Variants in PCDH15 observed in about 807,000 individuals in gnomAD.
PCDH15 encodes the protein protocadherin-15.
A neutral mutation model predicts 178.5 loss-of-function variants in PCDH15; 129 were observed. That is an observed-to-expected ratio of 0.72 (90% CI 0.63 to 0.84). The LOEUF is 0.84. Among genes scored for constraint, PCDH15 ranks in the 40% least tolerant of loss-of-function variants. The pLI is 0.00. For missense variants in PCDH15, 2,230 were observed against 2,099.9 expected (o/e 1.06, Z -1.21); for synonymous variants, 800 against 732.0 (o/e 1.09, Z -1.50).
intron 15 of PCDH15, among the ~76,000 whole-genome samples, chr10:54,110,947 T>C (rs953987966): frequency 4.6e-5 from 7 of 152,202 alleles, no homozygotes; most frequent in Admixed American, 4.6e-4. Flanking sequence ...TACATTGTTT[T>C]CTTAGCTCCA....
intron 2 of PCDH15, among the ~76,000 whole-genome samples, chr10:54,617,242 G>C (rs189197086): frequency 6.6e-6 from 1 of 151,982 alleles, no homozygotes; most frequent in East Asian, 2.0e-4. Flanking sequence ...TAAGAATATT[G>C]TGTAGATTAT....
At chr10:54,651,265 A>G (rs1164665723) in intron 2 of PCDH15, among the ~76,000 whole-genome samples, 2 of 152,178 alleles carry the variant, frequency 1.3e-5, no homozygotes, top group African/African-American at 2.4e-5. Flanking sequence ...AAAGAATACA[A>G]TGTGAGTAAA....
At chr10:54,292,595 C>T (rs112786476) in intron 8 of PCDH15, among the ~76,000 whole-genome samples, 2 of 152,246 alleles carry the variant, frequency 1.3e-5, no homozygotes, top group African/African-American at 2.4e-5. Context: ...CCCAAAAATT[C>T]CTTAATCTGA....
chr10:54,286,474 A>G (rs1302844058), intron 8 of PCDH15, among the ~76,000 whole-genome samples: 1 of 152,212 alleles, frequency 6.6e-6, no homozygotes, highest in Non-Finnish European at 1.5e-5. Flanking sequence ...ATCCTTTCAA[A>G]ACAATATATT....
At chr10:55,054,373 C>T (rs556755880) in intron 2 of PCDH15, among the ~76,000 whole-genome samples, 53 of 152,230 alleles carry the variant, frequency 3.5e-4, no homozygotes, top group Non-Finnish European at 5.9e-4. Flanking sequence ...ATTTTTATGG[C>T]TGCATAGTAC....
At chr10:54,699,507 G>A (rs942438812) in intron 1 of PCDH15, among the ~76,000 whole-genome samples, 1 of 151,922 alleles carries the variant, frequency 6.6e-6, no homozygotes, top group African/African-American at 2.4e-5. Context: ...ATTTTTTATT[G>A]TTCTATGATG....
At chr10:54,849,955 G>A (rs1953585747) in intron 3 of PCDH15, among the ~76,000 whole-genome samples, 1 of 151,948 alleles carries the variant, frequency 6.6e-6, no homozygotes, top group Admixed American at 6.6e-5. Flanking sequence ...ATCTGTGTTA[G>A]GATAAAATAA....
At chr10:54,677,115 T>C (rs2094803767) in intron 1 of PCDH15, among the ~76,000 whole-genome samples, 1 of 152,218 alleles carries the variant, frequency 6.6e-6, no homozygotes, top group Non-Finnish European at 1.5e-5. Flanking sequence ...CTCACACATG[T>C]AATCCTAGCA....
chr10:55,317,863 C>T (rs1190987329), intron 1 of PCDH15, among the ~76,000 whole-genome samples: 1 of 152,088 alleles, frequency 6.6e-6, no homozygotes, highest in Non-Finnish European at 1.5e-5. Context: ...TGGAAAGGCA[C>T]CTTCTAGATC....
chr10:55,344,416 A>G (rs1256329160), intron 2 of PCDH15, among the ~76,000 whole-genome samples: 1 of 152,094 alleles, frequency 6.6e-6, no homozygotes, highest in Non-Finnish European at 1.5e-5. Context: ...TTAGGAGTTT[A>G]TTGCAGTAAT....
intron 8 of PCDH15, among the ~76,000 whole-genome samples, chr10:54,307,976 T>C (rs1400823505): frequency 6.6e-6 from 1 of 152,080 alleles, no homozygotes; most frequent in East Asian, 1.9e-4. Context: ...TAGTTAAGCA[T>C]GCTTCATAAA....
intron 1 of PCDH15, among the ~76,000 whole-genome samples, chr10:54,784,936 T>C (rs774441683): frequency 6.6e-6 from 1 of 152,022 alleles, no homozygotes; most frequent in South Asian, 2.1e-4. Flanking sequence ...CCCCATCGCA[T>C]ACTGAACCCA....
chr10:54,799,007 A>T (rs1297073400), intron 1 of PCDH15, among the ~76,000 whole-genome samples: 4 of 152,094 alleles, frequency 2.6e-5, no homozygotes, highest in Non-Finnish European at 5.9e-5. Flanking sequence ...TTTACATTTT[A>T]CTATTTTGAG....
chr10:53,807,717 C>T (rs1349246474), intron 37 of PCDH15, among the ~76,000 whole-genome samples: 1 of 151,964 alleles, frequency 6.6e-6, no homozygotes, highest in African/African-American at 2.4e-5. Flanking sequence ...TTGACATATC[C>T]TGGTTTTCTG....
chr10:55,107,192 C>A (rs1837371549), intron 2 of PCDH15, among the ~76,000 whole-genome samples: 1 of 152,152 alleles, frequency 6.6e-6, no homozygotes, highest in African/African-American at 2.4e-5. Flanking sequence ...TTGGTATACA[C>A]TTAAAGGTCT....
At chr10:54,987,163 G>A (rs1174726542) in intron 2 of PCDH15, among the ~76,000 whole-genome samples, 1 of 152,096 alleles carries the variant, frequency 6.6e-6, no homozygotes, top group African/African-American at 2.4e-5. Flanking sequence ...ATGGTTTCCA[G>A]CTTCATCCGT....
At chr10:55,069,403 ATCTCCT>A (rs1841662218) in intron 2 of PCDH15, among the ~76,000 whole-genome samples, 1 of 143,022 alleles carries the variant, frequency 7.0e-6, no homozygotes, top group African/African-American at 2.6e-5. Context: ...CATTAGGTGT[ATCTCCT>A]AATGCTATCC....
At chr10:55,402,054 C>A (rs1227764279) in intron 2 of PCDH15, among the ~76,000 whole-genome samples, 1 of 151,328 alleles carries the variant, frequency 6.6e-6, no homozygotes, top group Admixed American at 6.6e-5. Flanking sequence ...AGGTCCCCAG[C>A]TGGGTACATA....
chr10:55,054,791 C>T (rs1390597976), intron 2 of PCDH15, among the ~76,000 whole-genome samples: 2 of 152,142 alleles, frequency 1.3e-5, no homozygotes, highest in Admixed American at 1.3e-4. Context: ...TTTCCCTATG[C>T]TTGTTGGCCA....
Sources: allele counts gnomAD v4.1 joint callset (sites outside exome capture counted in the v4.1 genomes callset), GRCh38; gene constraint gnomAD v4.1.1; transcripts MANE v1.5; gene names NCBI Gene and HGNC (gene_info 2026-07-23, HGNC 2026-07-21).